NAV2: variants seen among roughly 807,000 people sequenced by gnomAD.
NAV2 encodes the protein neuron navigator 2, also known as helicase, APC down-regulated 1.
NAV2 carries 54 observed loss-of-function variants against 223.2 expected under a neutral mutation model. That is an observed-to-expected ratio of 0.24 (90% CI 0.19 to 0.30). NAV2 has a LOEUF of 0.30. NAV2 is among the 10% of genes least tolerant of loss of function. The pLI, the probability that NAV2 is intolerant of heterozygous loss-of-function variation, is 1.00. For missense variants in NAV2, 2,806 were observed against 3,147.5 expected, an observed-to-expected ratio of 0.89 and a Z score of 2.60; for synonymous variants, 1,279 against 1,239.3, an observed-to-expected ratio of 1.03 and a Z score of -0.67.
intron 3 of NAV2, among the ~76,000 whole-genome samples, chr11:19,863,480 TTC>T (rs1392866635): frequency 6.6e-6 from 1 of 152,204 alleles, no homozygotes; most frequent in African/African-American, 2.4e-5. Flanking sequence ...CAGCACAAAT[TTC>T]TCTTTATTCC....
At chr11:19,403,281 C>T (rs1448108821) in intron 1 of NAV2, among the ~76,000 whole-genome samples, 2 of 152,188 alleles carry the variant, frequency 1.3e-5, no homozygotes, top group African/African-American at 4.8e-5. Flanking sequence ...AAAACCAATA[C>T]ACTTTTCTGG....
intron 1 of NAV2, among the ~76,000 whole-genome samples, chr11:19,760,676 G>A (rs1031501835): frequency 6.6e-6 from 1 of 152,172 alleles, no homozygotes; most frequent in African/African-American, 2.4e-5. Flanking sequence ...AGGAGTAAGA[G>A]AGAAGAATCT....
intron 1 of NAV2, among the ~76,000 whole-genome samples, chr11:19,489,810 G>T (rs2042564579): frequency 6.6e-6 from 1 of 152,136 alleles, no homozygotes; most frequent in South Asian, 2.1e-4. Context: ...GACTTCCACT[G>T]CTCCATGAGA....
Position 19,836,404 on chromosome 11 carries a change from A to C in NAV2, c.385+3803A>C, listed in dbSNP as rs559935014. ...AACCCCGTCTCTACTAAAAATACAA[A>C]AAATTAGCCGGGCGCGGTGGCGGGC... On this transcript the variant is annotated intron_variant, in intron 2 of 37. Coordinates refer to ENST00000349880, the MANE Select transcript of NAV2 (RefSeq NM_145117.5). Among the ~76,000 whole-genome samples the C allele has an allele frequency of 2.0e-5, 3 of 151,252 alleles. No homozygotes were observed. The South Asian group carries it at 6.3e-4, about 32-fold the overall frequency.
At chr11:19,608,029 A>G (rs764877236) in intron 1 of NAV2, among the ~76,000 whole-genome samples, 26 of 152,108 alleles carry the variant, frequency 1.7e-4, no homozygotes, top group Non-Finnish European at 2.6e-4. Context: ...ACCTCCCCCA[A>G]TTCTCCCATT....
At chr11:19,731,028 G>T (rs542533887) in intron 1 of NAV2, among the ~76,000 whole-genome samples, 3 of 152,322 alleles carry the variant, frequency 2.0e-5, no homozygotes, top group African/African-American at 7.2e-5. Context: ...ATTATTTGCT[G>T]TTTATCTGAA....
chr11:19,743,889 G>C (rs7121861), intron 1 of NAV2, among the ~76,000 whole-genome samples: 22 of 152,342 alleles, frequency 1.4e-4, no homozygotes, highest in African/African-American at 5.3e-4. Context: ...TCAGGCCAGG[G>C]TCATCCCAAT....
chr11:20,088,858 A>G (rs1420024667), intron 26 of NAV2, among the ~76,000 whole-genome samples: 1 of 152,166 alleles, frequency 6.6e-6, no homozygotes, highest in Non-Finnish European at 1.5e-5. Flanking sequence ...CTGAGCCTTC[A>G]AGATTCATGT....
chr11:19,774,775 CA>C (rs1253205407), intron 1 of NAV2, among the ~76,000 whole-genome samples: 2 of 152,170 alleles, frequency 1.3e-5, no homozygotes, highest in African/African-American at 2.4e-5. Context: ...GGAAAGGTCA[CA>C]GGCTTTATTC....
chr11:20,023,200 T>G (rs1453939914), intron 11 of NAV2: 2 of 1,391,936 alleles, frequency 1.4e-6, no homozygotes, highest in Non-Finnish European at 2.0e-6. Context: ...CTTGTCTTCC[T>G]TGGCCGGTAT....
chr11:19,401,802 C>G (rs1488838520), intron 1 of NAV2: 1 of 152,206 alleles, frequency 6.6e-6, no homozygotes, highest in African/African-American at 2.4e-5. Flanking sequence ...ATTTCCTGCA[C>G]TCCTTTGGGG....
chr11:20,018,725 T>C (rs527627958), intron 11 of NAV2, among the ~76,000 whole-genome samples: 2 of 152,298 alleles, frequency 1.3e-5, no homozygotes, highest in East Asian at 3.9e-4. Context: ...AGGAGCTCCC[T>C]GTGTTGAGGG....
chr11:19,400,291 A>G (rs2729907), intron 1 of NAV2, among the ~76,000 whole-genome samples: 146,017 of 152,290 alleles, frequency 0.96, 70,292 homozygotes, highest in East Asian at 1. Context: ...CAATGGAGTG[A>G]GGCTCCATCT....
intron 1 of NAV2, among the ~76,000 whole-genome samples, chr11:19,581,295 G>A (rs1046567037): frequency 2.6e-5 from 4 of 152,150 alleles, no homozygotes; most frequent in South Asian, 2.1e-4. Context: ...CCTCTTTAAC[G>A]ATTAGCACTC....
intron 1 of NAV2, among the ~76,000 whole-genome samples, chr11:19,371,312 C>A (rs183832083): frequency 3.9e-4 from 59 of 152,260 alleles, no homozygotes; most frequent in Non-Finnish European, 6.8e-4. Context: ...GCACTCAAAT[C>A]CTTACCATTG....
intron 3 of NAV2, among the ~76,000 whole-genome samples, chr11:19,863,423 G>A (rs796878522): frequency 3.9e-5 from 6 of 152,220 alleles, no homozygotes; most frequent in African/African-American, 1.4e-4. Flanking sequence ...AGGCTTGGTA[G>A]GTTCTTATTC....
At chr11:19,759,932 G>T (rs759745680) in intron 1 of NAV2, 1 of 154,302 alleles carries the variant, frequency 6.5e-6, no homozygotes, top group Admixed American at 6.5e-5. Context: ...TCTACAAATG[G>T]CACTGCCGTT....
intron 29 of NAV2, among the ~76,000 whole-genome samples, chr11:20,094,481 G>C (rs2061098854): frequency 6.6e-6 from 1 of 152,026 alleles, no homozygotes; most frequent in Non-Finnish European, 1.5e-5. Flanking sequence ...ACCTGCCTCG[G>C]CCTCCCAAAG....
intron 19 of NAV2, among the ~76,000 whole-genome samples, chr11:20,059,334 A>G (rs2058560354): frequency 6.6e-6 from 1 of 151,988 alleles, no homozygotes; most frequent in Non-Finnish European, 1.5e-5. Context: ...GATGTAATGT[A>G]CTCTGTTGTT....
Sources: gnomAD v4.1 joint callset for allele counts (sites outside exome capture counted in the v4.1 genomes callset) on GRCh38, gnomAD v4.1.1 for gene constraint, MANE v1.5 for transcripts, NCBI Gene and HGNC (gene_info 2026-07-23, HGNC 2026-07-21) for gene names.